POTEE: variants seen among roughly 807,000 people sequenced by gnomAD.
POTEE encodes the protein POTE ankyrin domain family member E.
In POTEE, 21 loss-of-function variants were observed where a neutral mutation model predicts 74.2. The ratio of observed to expected loss-of-function variants is 0.28; its 90% CI spans 0.20 to 0.41. POTEE has a LOEUF of 0.41. Among genes scored for constraint, POTEE ranks in the 10% least tolerant of loss-of-function variants. POTEE has a pLI of 1.00. For synonymous variants in POTEE, 211 were observed against 432.8 expected (o/e 0.49, Z 6.36); for missense variants, 525 against 1,158.6 (o/e 0.45, Z 7.94).
chr2:131,230,966 G>A (rs1329811293), intron 9 of POTEE, 60 bp downstream of exon 9: 2 of 1,515,206 alleles, frequency 1.3e-6, no homozygotes, highest in Non-Finnish European at 1.8e-6. Flanking sequence ...TGACACCAGG[G>A]ACCGGTTTTG....
intron 4 of POTEE, among the ~76,000 whole-genome samples, chr2:131,221,167 A>G (rs1700604448): frequency 1.3e-5 from 2 of 152,132 alleles, no homozygotes; most frequent in African/African-American, 4.8e-5. Context: ...TATCTTTACC[A>G]AATAGATGTC....
intron 1 of POTEE, among the ~76,000 whole-genome samples, chr2:131,210,519 G>C (rs997148667): frequency 2.0e-4 from 31 of 151,856 alleles, no homozygotes; most frequent in Admixed American, 3.3e-4. Context: ...TTGCTCCTTC[G>C]GGTAACTCTT....
chr2:131,215,370 T>C (rs1029213650), intron 2 of POTEE, among the ~76,000 whole-genome samples: 10 of 152,204 alleles, frequency 6.6e-5, no homozygotes, highest in Non-Finnish European at 1.2e-4. Context: ...ATTTACTTGT[T>C]GGCTTTACAA....
At chr2:131,216,252 T>C (rs183461868) in intron 2 of POTEE, among the ~76,000 whole-genome samples, 1,520 of 150,342 alleles carry the variant, frequency 0.01, no homozygotes, top group African/African-American at 0.036. Context: ...TGTCAAAATT[T>C]CAATGCTACT....
intron 9 of POTEE, among the ~76,000 whole-genome samples, chr2:131,233,768 C>A (rs111549871): frequency 6.6e-6 from 1 of 150,534 alleles, no homozygotes; most frequent in Admixed American, 6.6e-5. Flanking sequence ...AGAGCGGTAT[C>A]GTCAATATGA....
At chr2:131,216,668 T>TTG (rs977503011) in intron 2 of POTEE, among the ~76,000 whole-genome samples, 1 of 151,600 alleles carries the variant, frequency 6.6e-6, no homozygotes, top group Non-Finnish European at 1.5e-5. Context: ...TCCATGAATT[T>TTG]TGGAGTGGAT....
chr2:131,214,155 C>G (rs1460204250), intron 2 of POTEE, among the ~76,000 whole-genome samples: 3 of 152,144 alleles, frequency 2.0e-5, no homozygotes, highest in African/African-American at 7.2e-5. Context: ...TTAGGAGAAA[C>G]CTCTGTTTTC....
chr2:131,211,293 A>C (rs367769907), intron 2 of POTEE, among the ~76,000 whole-genome samples, 110 bp downstream of exon 2: 1 of 151,652 alleles, frequency 6.6e-6, no homozygotes, highest in Non-Finnish European at 1.5e-5. Flanking sequence ...GTAGTGGCAG[A>C]AAGTCTGGGG....
intron 1 of POTEE, among the ~76,000 whole-genome samples, 81 bp downstream of exon 1, chr2:131,209,900 C>A (rs1700319096): frequency 6.7e-6 from 1 of 150,014 alleles, no homozygotes; most frequent in African/African-American, 2.5e-5. Flanking sequence ...CGAGGCTGCA[C>A]TGCCTGTGTC....
chr2:131,233,281 C>CTAA (rs1701020502), intron 9 of POTEE, among the ~76,000 whole-genome samples: 1 of 151,858 alleles, frequency 6.6e-6, no homozygotes, highest in South Asian at 2.1e-4. Flanking sequence ...ATCTACTTAA[C>CTAA]CCTGCTGTTG....
intron 4 of POTEE, among the ~76,000 whole-genome samples, 183 bp from the exon 5 acceptor site, chr2:131,223,413 C>T (rs1700684479): frequency 6.7e-6 from 1 of 149,268 alleles, no homozygotes; most frequent in Admixed American, 6.6e-5. Context: ...TATAGGCTGC[C>T]CTTTCATTAA....
intron 9 of POTEE, among the ~76,000 whole-genome samples, chr2:131,234,769 T>A (rs1349764811): frequency 1.3e-4 from 14 of 106,570 alleles, no homozygotes; most frequent in African/African-American, 4.2e-4. Flanking sequence ...TTATTGAGAA[T>A]TTGCTACATA....
chr2:131,215,384 C>G (rs1329211778), intron 2 of POTEE, among the ~76,000 whole-genome samples: 2 of 152,102 alleles, frequency 1.3e-5, no homozygotes. Flanking sequence ...TTTACAATAA[C>G]TTAGAAATAG....
At chr2:131,220,581 A>G (rs1700587498) in intron 4 of POTEE, among the ~76,000 whole-genome samples, 1 of 152,182 alleles carries the variant, frequency 6.6e-6, no homozygotes, top group African/African-American at 2.4e-5. Flanking sequence ...CCAGTGACCT[A>G]TGCACATAGG....
At chr2:131,223,408 G>T (rs1463820172) in intron 4 of POTEE, among the ~76,000 whole-genome samples, 188 bp from the exon 5 acceptor site, 1 of 149,278 alleles carries the variant, frequency 6.7e-6, no homozygotes, top group Non-Finnish European at 1.5e-5. Context: ...ATTTATATAG[G>T]CTGCCCTTTC....
At chr2:131,221,797 G>T (rs1312451061) in intron 4 of POTEE, among the ~76,000 whole-genome samples, 2 of 152,146 alleles carry the variant, frequency 1.3e-5, no homozygotes, top group African/African-American at 4.8e-5. Context: ...AATTAAAATA[G>T]CAAATGTAAG....
chr2:131,258,486 A>G (rs1471790785), intron 16 of POTEE, among the ~76,000 whole-genome samples: 1,473 of 142,054 alleles, frequency 0.01, no homozygotes, highest in African/African-American at 0.037. Context: ...CAGTTCATGT[A>G]TGTATGTGAT....
intron 16 of POTEE, among the ~76,000 whole-genome samples, chr2:131,260,550 C>T (rs1388733075): frequency 6.7e-6 from 1 of 148,718 alleles, no homozygotes; most frequent in Non-Finnish European, 1.5e-5. Context: ...AAGTATATTC[C>T]TAGGTACTTC....
At position 131,224,040 on chromosome 2, in the gene POTEE, C is replaced by G; in HGVS notation, c.807C>G (p.Asn269Lys). The G allele has an allele frequency of 7.4e-7, 1 of 1,352,216 alleles. No individual in the cohort carries two copies. The highest frequency in any genetic ancestry group is 1.0e-6 in the Non-Finnish European group (1 of 1,004,622). 83.8% of individuals were successfully genotyped at this position (1,352,216 alleles called of 1,614,324 possible). A position where few individuals can be genotyped will look rare whatever the true frequency, so the allele number is the denominator to read the frequency against. ...LLYGADIESK[N>K]KHGLTPLLLG... ...ATGGTGCTGATATCGAATCAAAAAA[C>G]AAGGTATAGATCTACCAATTTTATC... The change falls in exon 6 of 18, where the codon AAC becomes AAG. Residue 269 changes from asparagine (N) to lysine (K), a missense_variant. Physicochemically the swap from Asn to Lys is moderately conservative, Grantham distance 94. Coordinates refer to ENST00000683005, the MANE Select transcript of POTEE (RefSeq NM_001083538.3).
Sources: allele counts gnomAD v4.1 joint callset (sites outside exome capture counted in the v4.1 genomes callset), GRCh38; gene constraint gnomAD v4.1.1; transcripts MANE v1.5; gene names NCBI Gene and HGNC (gene_info 2026-07-23, HGNC 2026-07-21).